PATJ: variants seen among roughly 807,000 people sequenced by gnomAD.
The protein encoded by PATJ is PATJ crumbs cell polarity complex component, also known as inaD-like protein.
PATJ carries 190 observed loss-of-function variants against 224.9 expected under a neutral mutation model. The ratio of observed to expected loss-of-function variants is 0.84; its 90% CI spans 0.75 to 0.95. The LOEUF (loss-of-function observed/expected upper bound fraction) is 0.95, where lower values mean the gene tolerates loss of function less well. Ranked by LOEUF, PATJ falls within the 40% of genes least tolerant of loss-of-function variation. The probability of loss-of-function intolerance (pLI) is 0.00; values close to 1 mark genes in which losing one functional copy is unlikely to be tolerated. For missense variants in PATJ, 2,121 were observed against 2,270.3 expected (o/e 0.93, Z 1.34); for synonymous variants, 769 against 820.3 (o/e 0.94, Z 1.07).
chr1:61,971,018 C>G (rs956066592), intron 27 of PATJ, among the ~76,000 whole-genome samples: 1 of 152,158 alleles, frequency 6.6e-6, no homozygotes, highest in African/African-American at 2.4e-5. Context: ...AAGAAAATTG[C>G]CAGCTCCTTT....
At position 61,861,593 on chromosome 1, in the gene PATJ, A is replaced by C. The variant is rs148071372; in HGVS notation, c.2365A>C (p.Ser789Arg). Residue 789 changes from serine to arginine, a missense_variant, in exon 19 of 44, where the codon AGT becomes CGT. By Grantham distance (110) the Ser-to-Arg change is moderately radical (BLOSUM62 -1). Coordinates refer to ENST00000642238, the MANE Select transcript of PATJ (RefSeq NM_001350145.3). ...EESCYILHSS[S>R]NEDKTEFSGT... ...AAGTTGTTATATTTTACATTCAAGC[A>C]GTAATGAAGACAAGACTGAATTTTC... 9 of 1,487,100 alleles carry C rather than the reference A, an allele frequency of 6.1e-6. No individual in the cohort carries two copies. The African/African-American group carries it at 1.0e-4, about 17-fold the overall frequency. The allele number at this position is 1,487,100 out of a possible 1,614,324, so 92.1% of individuals were successfully genotyped here.
At chr1:61,951,849 C>T (rs1046016546) in intron 27 of PATJ, among the ~76,000 whole-genome samples, 42 of 152,162 alleles carry the variant, frequency 2.8e-4, no homozygotes, top group Admixed American at 3.3e-4. Context: ...CTGTTCCCCT[C>T]ACTTTGGACA....
intron 27 of PATJ, among the ~76,000 whole-genome samples, chr1:61,931,350 AC>A (rs1349858272): frequency 1.3e-5 from 2 of 152,254 alleles, no homozygotes; most frequent in African/African-American, 2.4e-5. Flanking sequence ...TATGAATAAA[AC>A]AAAGTAATAA....
At chr1:62,058,080 A>G (rs956000571) in intron 31 of PATJ, among the ~76,000 whole-genome samples, 2 of 152,242 alleles carry the variant, frequency 1.3e-5, no homozygotes, top group African/African-American at 4.8e-5. Context: ...ATTGTGAAAT[A>G]TAATTTCTGA....
At position 61,807,819 on chromosome 1, in the gene PATJ, C is replaced by T. The variant is rs780593021; in HGVS notation, c.1627-655C>T. ...CGCCAGATGCATCATATTTTATTAA[C>T]AAGTTACAGATGCAAATCATCAGTA... On this transcript the variant is annotated intron_variant, in intron 13 of 43. Coordinates refer to ENST00000642238, the MANE Select transcript of PATJ (RefSeq NM_001350145.3). 1.1e-3 allele frequency among the ~76,000 whole-genome samples: 172 copies of T among 152,218 alleles called. 3 individuals are homozygous for T. Among genetic ancestry groups the T allele is most frequent in the Admixed American group, 5.9e-4 (9 of 15,276 alleles).
At chr1:62,094,274 G>T (rs143013835) in intron 33 of PATJ, among the ~76,000 whole-genome samples, 354 of 152,150 alleles carry the variant, frequency 2.3e-3, no homozygotes, top group Non-Finnish European at 4.3e-3. Context: ...TGTGCCCTGT[G>T]GTCCCAGCTA....
chr1:61,749,682 G>GT (rs35267431), intron 1 of PATJ, among the ~76,000 whole-genome samples: 14,801 of 145,448 alleles, frequency 0.1, 763 homozygotes, highest in Middle Eastern at 0.14. Context: ...GCAGCCTGGT[G>GT]TTTTTTTTTT....
intron 17 of PATJ, among the ~76,000 whole-genome samples, chr1:61,836,074 AGTAAAG>A (rs966233769): frequency 7.2e-5 from 11 of 152,200 alleles, no homozygotes; most frequent in Non-Finnish European, 1.3e-4. Context: ...AAAAAAATTC[AGTAAAG>A]GATGGAAAGA....
At chr1:61,954,540 A>G (rs1680161527) in intron 27 of PATJ, among the ~76,000 whole-genome samples, 1 of 152,176 alleles carries the variant, frequency 6.6e-6, no homozygotes, top group African/African-American at 2.4e-5. Flanking sequence ...AAGAGAGGGC[A>G]TTGTTATTTC....
chr1:61,843,668 T>C (rs1445280135), intron 17 of PATJ, among the ~76,000 whole-genome samples: 1 of 149,472 alleles, frequency 6.7e-6, no homozygotes, highest in African/African-American at 2.5e-5. Context: ...TGCAGTGAGC[T>C]GCGATCACAC....
At chr1:61,896,288 T>A (rs1670353097) in intron 22 of PATJ, among the ~76,000 whole-genome samples, 1 of 104,524 alleles carries the variant, frequency 9.6e-6, no homozygotes, top group African/African-American at 3.1e-5. Flanking sequence ...AGAGGGAGAC[T>A]CCATCTCAAA....
intron 29 of PATJ, among the ~76,000 whole-genome samples, chr1:62,032,399 G>C (rs1649500806): frequency 6.6e-6 from 1 of 152,196 alleles, no homozygotes; most frequent in African/African-American, 2.4e-5. Context: ...GAGGTTCTAA[G>C]TGAAATCTCC....
chr1:62,130,542 A>G (rs1666148559), intron 41 of PATJ, among the ~76,000 whole-genome samples: 1 of 151,428 alleles, frequency 6.6e-6, no homozygotes, highest in South Asian at 2.1e-4. Context: ...TTAATAATAA[A>G]AAATAAAAAT....
intron 1 of PATJ, among the ~76,000 whole-genome samples, chr1:61,743,619 A>G (rs1209881804): frequency 6.6e-6 from 1 of 152,210 alleles, no homozygotes; most frequent in Non-Finnish European, 1.5e-5. Flanking sequence ...CTGCAAATTA[A>G]TTTGCACACA....
At chr1:62,082,478 A>G (rs1659406287) in intron 32 of PATJ, among the ~76,000 whole-genome samples, 1 of 152,116 alleles carries the variant, frequency 6.6e-6, no homozygotes, top group Non-Finnish European at 1.5e-5. Flanking sequence ...GTGCCTTTTC[A>G]TCTCAAAGAC....
intron 42 of PATJ, among the ~76,000 whole-genome samples, chr1:62,151,860 G>A (rs868456139): frequency 6.6e-6 from 1 of 152,120 alleles, no homozygotes; most frequent in African/African-American, 2.4e-5. Context: ...ATAGCATTTG[G>A]GAATAAGAAA....
intron 33 of PATJ, among the ~76,000 whole-genome samples, chr1:62,105,242 G>A (rs925661768): frequency 6.6e-6 from 1 of 152,062 alleles, no homozygotes; most frequent in Non-Finnish European, 1.5e-5. Context: ...TTCCAAGGGG[G>A]TCTTTTCTTT....
chr1:61,943,955 A>G (rs1410059233), intron 27 of PATJ, among the ~76,000 whole-genome samples: 1 of 152,210 alleles, frequency 6.6e-6, no homozygotes, highest in Non-Finnish European at 1.5e-5. Flanking sequence ...CCAGGCAAAC[A>G]GGGTCTGGAG....
chr1:62,147,178 TATGGGATGGGATGGAATGGGAGACA>T (rs1668121990), intron 41 of PATJ, among the ~76,000 whole-genome samples: 1 of 152,064 alleles, frequency 6.6e-6, no homozygotes, highest in African/African-American at 2.4e-5. Flanking sequence ...TGGGATGGGA[TATGGGATGGGATGGAATGGGAGACA>T]ATGGGATGGG....
Sources: gnomAD v4.1 joint callset for allele counts (sites outside exome capture counted in the v4.1 genomes callset) on GRCh38, gnomAD v4.1.1 for gene constraint, MANE v1.5 for transcripts, NCBI Gene and HGNC (gene_info 2026-07-23, HGNC 2026-07-21) for gene names.